ZRANB1: variants seen among roughly 807,000 people sequenced by gnomAD.
ZRANB1 encodes the protein zinc finger RANBP2-type containing 1, also known as ubiquitin thioesterase ZRANB1.
Under a neutral mutation model 80.5 loss-of-function variants are expected in ZRANB1, and 16 were observed. The observed-to-expected ratio is 0.20, with a 90% confidence interval of 0.13 to 0.30. ZRANB1 has a LOEUF of 0.30. ZRANB1 is among the 10% of genes least tolerant of loss of function. ZRANB1 has a pLI of 1.00. For synonymous variants in ZRANB1, 291 were observed against 293.1 expected (o/e 0.99, Z 0.07); for missense variants, 576 against 862.6 (o/e 0.67, Z 4.16).
In ZRANB1 at chr10:124,971,977, G is replaced by A. The variant is rs762838606; in HGVS notation, c.1015G>A (p.Ala339Thr). The change falls in exon 3 of 9, where the codon GCA becomes ACA. Residue 339 changes from alanine to threonine, a missense_variant. Ala to Thr is a moderately conservative substitution (Grantham distance 58, BLOSUM62 0). Coordinates refer to ENST00000359653, the MANE Select transcript of ZRANB1 (RefSeq NM_017580.3). ...TTTTGTATTTAAGGTGTCTCAACAAGCAGCAAAGTGTATTCCAGCAATGGT... is the reference window on the plus strand; with the variant it reads ...TTTTGTATTTAAGGTGTCTCAACAAACAGCAAAGTGTATTCCAGCAATGGT... ...AILLTEVSQQ[A>T]AKCIPAMVCP... is the part of the protein sequence containing the mutation. The A allele has an allele frequency of 1.5e-5, 24 of 1,595,776 alleles. No individual in the cohort carries two copies. Among genetic ancestry groups the A allele is most frequent in the Non-Finnish European group, 2.0e-5 (23 of 1,171,984 alleles).
chr10:124,955,207 A>G (rs1411599107), intron 1 of ZRANB1, among the ~76,000 whole-genome samples: 1 of 147,772 alleles, frequency 6.8e-6, no homozygotes, highest in Non-Finnish European at 1.5e-5. Flanking sequence ...TCGAGTTAAA[A>G]ATGTTACATT....
chr10:124,924,910 G>GTT, the ZRANB1 span, among the ~76,000 whole-genome samples: 162 of 141,206 alleles, frequency 1.1e-3, 3 homozygotes, highest in Admixed American at 1.1e-3. Flanking sequence ...TCATTTTGCT[G>GTT]TTTTTTTTTT....
At chr10:124,976,605 TC>T (rs1951878387) in intron 5 of ZRANB1, among the ~76,000 whole-genome samples, 1 of 144,806 alleles carries the variant, frequency 6.9e-6, no homozygotes, top group Non-Finnish European at 1.5e-5. Flanking sequence ...AGAGTCTTAC[TC>T]TGTCGCCCAG....
chr10:124,956,135 A>G (rs1038537331), intron 1 of ZRANB1, among the ~76,000 whole-genome samples: 1 of 152,208 alleles, frequency 6.6e-6, no homozygotes, highest in Non-Finnish European at 1.5e-5. Flanking sequence ...ATTCTTGATT[A>G]TGTGATAACT....
chr10:124,943,789 T>A (rs1025928046), intron 1 of ZRANB1, among the ~76,000 whole-genome samples: 2 of 152,190 alleles, frequency 1.3e-5, no homozygotes, highest in African/African-American at 4.8e-5. Flanking sequence ...CTACTCTGTT[T>A]ATTGTAACAA....
At chr10:124,932,843 G>T in the ZRANB1 span, among the ~76,000 whole-genome samples, 1 of 151,994 alleles carries the variant, frequency 6.6e-6, no homozygotes, top group Non-Finnish European at 1.5e-5. Context: ...GATTATAGGC[G>T]CGAGCCACCC....
chr10:124,930,524 C>T, the ZRANB1 span, among the ~76,000 whole-genome samples: 1 of 152,160 alleles, frequency 6.6e-6, no homozygotes, highest in Admixed American at 6.5e-5. Context: ...CCTTGGCCTC[C>T]CAAAGTGCTG....
upstream of ZRANB1, chr10:124,942,079 C>T: frequency 1.1e-6 from 1 of 936,188 alleles, no homozygotes. Flanking sequence ...GTTGTTTCCT[C>T]TACCTTTGTC....
the ZRANB1 span, chr10:124,917,233 G>T: frequency 5.9e-6 from 1 of 169,922 alleles, no homozygotes; most frequent in Non-Finnish European, 1.2e-5. Flanking sequence ...GTCGGACGGG[G>T]AGGAGGAGCA....
At chr10:124,925,235 A>G in the ZRANB1 span, among the ~76,000 whole-genome samples, 1 of 151,754 alleles carries the variant, frequency 6.6e-6, no homozygotes, top group Non-Finnish European at 1.5e-5. Flanking sequence ...CCAGCAATAT[A>G]TGTTCCGTTT....
intron 4 of ZRANB1, 46 bp from the exon 5 acceptor site, chr10:124,974,154 A>G (rs2133987007): frequency 1.3e-6 from 2 of 1,595,078 alleles, no homozygotes; most frequent in South Asian, 2.2e-5. Flanking sequence ...GTATTCTCTA[A>G]TGACATAGGT....
In ZRANB1 at chr10:124,943,196, T is replaced by G; in HGVS notation, c.703T>G (p.Leu235Val). ...EVKMDFQRIELAGAVGSKEEL... is the reference protein window; with the variant it reads ...EVKMDFQRIEVAGAVGSKEEL... ...GAAAATGGATTTTCAGAGGATTGAA[T>G]TGGCTGGTGCTGTGGGAAGCAAGGA... The change falls in exon 1 of 9, where the codon TTG (leucine) becomes GTG (valine). Residue 235 changes from leucine to valine, a missense_variant. By Grantham distance (32) the Leu-to-Val change is conservative. Coordinates refer to ENST00000359653, the MANE Select transcript of ZRANB1 (RefSeq NM_017580.3). 2 of 1,614,174 alleles carry G rather than the reference T, an allele frequency of 1.2e-6. No individual in the cohort carries two copies. The highest frequency in any genetic ancestry group is 1.7e-6 in the Non-Finnish European group (2 of 1,180,026).
Position 124,983,150 on chromosome 10 carries a change from T to A in ZRANB1, c.1549-25T>A, listed in dbSNP as rs1459726380. The stretch of plus-strand genomic sequence containing the variant: ...TTTCCAGGAGTGGTAATAAATGTTT[T>A]AAGTTTTTGTTTTGTTTCGTACAGC... On this transcript the variant is annotated intron_variant, in intron 6 of 8. Transcript: ENST00000359653. The surrounding 1 kb of genome is among the most constrained non-coding windows in gnomAD (Gnocchi z 6.2). 6.3e-7 allele frequency: 1 copy of A among 1,595,898 alleles called. No individual in the cohort carries two copies. The highest frequency in any genetic ancestry group is 1.8e-5 in the Admixed American group (1 of 56,528).
intron 4 of ZRANB1, 43 bp downstream of exon 4, chr10:124,973,759 C>A: frequency 6.4e-7 from 1 of 1,567,428 alleles, no homozygotes; most frequent in East Asian, 2.2e-5. Context: ...TTCATCTGAT[C>A]AAGTAAGTTT....
intron 1 of ZRANB1, among the ~76,000 whole-genome samples, chr10:124,963,537 G>GTTTTTT (rs371266873): frequency 1.1e-5 from 1 of 93,476 alleles, no homozygotes; most frequent in Non-Finnish European, 2.3e-5. Context: ...ATATTGTAAG[G>GTTTTTT]TTTTTTTTTT....
chr10:124,921,931 A>G, the ZRANB1 span, among the ~76,000 whole-genome samples: 1 of 151,958 alleles, frequency 6.6e-6, no homozygotes, highest in Admixed American at 6.6e-5. Flanking sequence ...ATTGAATATA[A>G]AATTAATATT....
intron 2 of ZRANB1, among the ~76,000 whole-genome samples, chr10:124,971,690 C>A (rs1480216705): frequency 6.6e-6 from 1 of 152,140 alleles, no homozygotes; most frequent in African/African-American, 2.4e-5. Flanking sequence ...GAACAACACC[C>A]TTTTCCATAC....
chr10:124,969,248 T>G (rs572025635), intron 2 of ZRANB1, among the ~76,000 whole-genome samples: 23 of 152,302 alleles, frequency 1.5e-4, no homozygotes, highest in African/African-American at 5.5e-4. Context: ...ATACCATTAC[T>G]TTTGCTGTAT....
chr10:124,985,681 C>T lies in ZRANB1; in HGVS notation c.*689C>T, dbSNP rs997912858. 1 of 152,590 alleles carries T rather than the reference C, an allele frequency of 6.6e-6. No individual in the cohort carries two copies. The highest frequency in any genetic ancestry group is 2.4e-5 in the African/African-American group (1 of 41,438). The allele number at this position is 152,590 out of a possible 1,614,324, so 9.5% of individuals were successfully genotyped here. On this transcript the variant is annotated 3_prime_UTR_variant, in exon 9 of 9. Coordinates refer to ENST00000359653, the MANE Select transcript of ZRANB1 (RefSeq NM_017580.3). The stretch of plus-strand genomic sequence containing the variant: ...GTCTTTAAGTTTTCTGATATGCCCC[C>T]TTTCAATATTTAGATATTTATTTGT...
Sources: allele counts gnomAD v4.1 joint callset (sites outside exome capture counted in the v4.1 genomes callset), GRCh38; gene constraint gnomAD v4.1.1; non-coding constraint Gnocchi (gnomAD v3.1); transcripts MANE v1.5; gene names NCBI Gene and HGNC (gene_info 2026-07-23, HGNC 2026-07-21).